The following CPNE5 variants were observed in gnomAD, a reference collection of about 807,000 sequenced individuals.
CPNE5 encodes the protein copine 5, also known as copine-5.
CPNE5 carries 42 observed loss-of-function variants against 81.1 expected under a neutral mutation model. The ratio of observed to expected loss-of-function variants is 0.52; its 90% CI spans 0.40 to 0.67. CPNE5 has a LOEUF of 0.67. Ranked by LOEUF, CPNE5 falls within the 30% of genes least tolerant of loss-of-function variation. The pLI, the probability that CPNE5 is intolerant of heterozygous loss-of-function variation, is 0.00. For missense variants in CPNE5, 612 were observed against 815.5 expected, an observed-to-expected ratio of 0.75 and a Z score of 3.04; for synonymous variants, 313 against 321.5, an observed-to-expected ratio of 0.97 and a Z score of 0.28.
At chr6:36,807,390 A>G (rs1227589604) in intron 3 of CPNE5, among the ~76,000 whole-genome samples, 2 of 152,082 alleles carry the variant, frequency 1.3e-5, no homozygotes, top group Non-Finnish European at 2.9e-5. Context: ...ATGTTATGGG[A>G]TTGTTGGAGG....
intron 13 of CPNE5, chr6:36,755,897 C>T (rs763672514): frequency 1.2e-5 from 4 of 330,026 alleles, no homozygotes; most frequent in Non-Finnish European, 2.2e-5. Context: ...TAATATCTGC[C>T]TCTCAGGGCA....
intron 1 of CPNE5, among the ~76,000 whole-genome samples, chr6:36,830,454 C>T: frequency 6.6e-6 from 1 of 152,186 alleles, no homozygotes; most frequent in South Asian, 2.1e-4. Flanking sequence ...GCACCTAGCC[C>T]CTGGCACTTA....
rs151143358 is a variant in CPNE5, at chr6:36,768,222, G to GTTCTTTTT, written c.738-2854_738-2847dup. 1.4e-3 allele frequency among the ~76,000 whole-genome samples: 59 copies of GTTCTTTTT among 43,576 alleles called. 11 individuals carry two copies. Among genetic ancestry groups the GTTCTTTTT allele is most frequent in the African/African-American group, 3.4e-3 (48 of 13,974 alleles). The allele number at this position is 43,576 out of a possible 152,430, so 28.6% of individuals were successfully genotyped here. On this transcript the variant is annotated intron_variant, in intron 10 of 20. Transcript: ENST00000244751. Reference sequence around the variant, plus strand: ...TAAGGCTTTGACTACTCTATTCACAGTTCTTTTTTTTTTTTTTTTTTTTTT... The same window carrying GTTCTTTTT: ...TAAGGCTTTGACTACTCTATTCACAGTTCTTTTTTTCTTTTTTTTTTTTTTTTTTTTTT...
chr6:36,822,057 C>A, intron 3 of CPNE5, 57 bp downstream of exon 3: 1 of 1,451,606 alleles, frequency 6.9e-7, no homozygotes, highest in Non-Finnish European at 9.3e-7. Context: ...GAATTAGAGA[C>A]AGACAGGCAG....
chr6:36,745,914 C>T (rs376254809), intron 16 of CPNE5, among the ~76,000 whole-genome samples: 25 of 152,162 alleles, frequency 1.6e-4, no homozygotes, highest in East Asian at 3.8e-4. Flanking sequence ...ATGGGAGGGA[C>T]GTCTGCTGTG....
Position 36,800,510 on chromosome 6 carries a change from T to C in CPNE5, c.184-440A>G, listed in dbSNP as rs140117121. On this transcript the variant is annotated intron_variant, in intron 3 of 20. Coordinates refer to ENST00000244751, the MANE Select transcript of CPNE5 (RefSeq NM_020939.2). The stretch of plus-strand genomic sequence containing the variant: ...CACTCCATGACCACCATTCTGAGAA[T>C]TGATTCCACAATTAGGTGTGTACTT... 8.5e-5 allele frequency among the ~76,000 whole-genome samples: 13 copies of C among 152,328 alleles called. No homozygotes were observed. The South Asian group carries it at 1.2e-3, about 15-fold the overall frequency.
In CPNE5 at chr6:36,778,791, G is replaced by A. The variant is rs9470392; in HGVS notation, c.632+63C>T. ...CCTGCCTGGCAAGTCACCACCACCC[G>A]TCCGTCCTTGACCCCAGAAGGGACG... On this transcript the variant is annotated intron_variant, in intron 9 of 20. Transcript: ENST00000244751. 492 of 1,133,504 alleles carry A rather than the reference G, an allele frequency of 4.3e-4. 1 individual carries two copies. The African/African-American group carries it at 6.0e-3, about 14-fold the overall frequency. 70.2% of individuals were successfully genotyped at this position (1,133,504 alleles called of 1,614,324 possible).
In CPNE5 at chr6:36,744,289, C is replaced by T. The variant is rs1386216109; in HGVS notation, c.1468G>A (p.Val490Met). The T allele has an allele frequency of 1.9e-6, 3 of 1,583,176 alleles. No homozygotes were observed. The highest frequency in any genetic ancestry group is 2.6e-6 in the Non-Finnish European group (3 of 1,165,314). ...TCACCGTCGAACTCTGCCTGGCCCA[C>T]GCCGACGATAATGATGGACATGGGG... ...KLPMSIIIVGVGQAEFDAMVE... is the reference protein window; with the variant it reads ...KLPMSIIIVGMGQAEFDAMVE... Residue 490 changes from valine to methionine, a missense_variant, in exon 19 of 21, where the codon GTG becomes ATG. Coordinates refer to ENST00000244751, the MANE Select transcript of CPNE5 (RefSeq NM_020939.2).
At chr6:36,812,962 G>A (rs868308684) in intron 3 of CPNE5, among the ~76,000 whole-genome samples, 4 of 152,230 alleles carry the variant, frequency 2.6e-5, no homozygotes, top group Non-Finnish European at 5.9e-5. Context: ...TTTAGATAAT[G>A]GTCTATGTGG....
chr6:36,773,685 A>G (rs1767241174), intron 10 of CPNE5, among the ~76,000 whole-genome samples: 1 of 152,196 alleles, frequency 6.6e-6, no homozygotes, highest in Non-Finnish European at 1.5e-5. Context: ...TACCCATTTT[A>G]CAGATAAGGA....
intron 19 of CPNE5, 28 bp downstream of exon 19, chr6:36,744,240 A>T: frequency 6.4e-7 from 1 of 1,559,572 alleles, no homozygotes; most frequent in African/African-American, 1.3e-5. Flanking sequence ...AGGGAAGGAA[A>T]GGAGGGGAAG....
At chr6:36,799,745 G>C (rs1211214786) in intron 4 of CPNE5, among the ~76,000 whole-genome samples, 1 of 152,160 alleles carries the variant, frequency 6.6e-6, no homozygotes, top group Non-Finnish European at 1.5e-5. Context: ...CAACTTAACT[G>C]AGACGAACTG....
At chr6:36,763,884 A>G (rs545455905) in intron 11 of CPNE5, among the ~76,000 whole-genome samples, 1 of 152,338 alleles carries the variant, frequency 6.6e-6, no homozygotes, top group Admixed American at 6.5e-5. Flanking sequence ...GGGTGGCTGC[A>G]AGTGTTTTCT....
At chr6:36,756,041 G>A (rs560380267) in intron 13 of CPNE5, 6 of 571,102 alleles carry the variant, frequency 1.1e-5, no homozygotes, top group African/African-American at 1.9e-5. Context: ...TACAGCCAGC[G>A]CCTGTTGTGT....
chr6:36,784,729 C>T (rs767660929), intron 8 of CPNE5, among the ~76,000 whole-genome samples: 1 of 152,060 alleles, frequency 6.6e-6, no homozygotes, highest in Non-Finnish European at 1.5e-5. Context: ...ATCGCCTGAG[C>T]CCGGGATTTC....
At chr6:36,763,785 G>C (rs1280647025) in intron 11 of CPNE5, among the ~76,000 whole-genome samples, 1 of 152,152 alleles carries the variant, frequency 6.6e-6, no homozygotes, top group African/African-American at 2.4e-5. Context: ...TATAACAAAT[G>C]TTAAATTCAG....
chr6:36,795,716 CT>C (rs1162656285), intron 6 of CPNE5, among the ~76,000 whole-genome samples: 2 of 152,168 alleles, frequency 1.3e-5, no homozygotes, highest in Non-Finnish European at 1.5e-5. Flanking sequence ...ATCAATTTTT[CT>C]TATTTAAGCC....
intron 3 of CPNE5, among the ~76,000 whole-genome samples, chr6:36,816,564 A>G (rs1453383040): frequency 1.3e-5 from 2 of 152,198 alleles, no homozygotes. Context: ...AGATTCTGGT[A>G]ACAGAGAGGT....
At chr6:36,782,298 A>G (rs1053570681) in intron 8 of CPNE5, among the ~76,000 whole-genome samples, 3 of 152,148 alleles carry the variant, frequency 2.0e-5, no homozygotes, top group African/African-American at 7.2e-5. Flanking sequence ...TTGACTATAA[A>G]ATGCATACAC....
Sources: gnomAD v4.1 joint callset for allele counts (sites outside exome capture counted in the v4.1 genomes callset) on GRCh38, gnomAD v4.1.1 for gene constraint, MANE v1.5 for transcripts, NCBI Gene and HGNC (gene_info 2026-07-23, HGNC 2026-07-21) for gene names.